Variants in GDF1 observed in about 807,000 individuals in gnomAD.
GDF1 encodes embryonic growth/differentiation factor 1.
A neutral mutation model predicts 7.4 loss-of-function variants in GDF1; 8 were observed. The ratio of observed to expected loss-of-function variants is 1.09; its 90% CI spans 0.64 to 1.96. The LOEUF is 1.96. GDF1 is among the 30% of genes most tolerant of loss of function. GDF1 has a pLI of 0.00. For missense variants in GDF1, 574 were observed against 551.5 expected, an observed-to-expected ratio of 1.04 and a Z score of -0.41; for synonymous variants, 311 against 276.7, an observed-to-expected ratio of 1.12 and a Z score of -1.23.
At chr19:18,883,994 C>T (rs2056282191) in intron 3 of GDF1, 93 bp downstream of exon 3, 1 of 1,368,798 alleles carries the variant, frequency 7.3e-7, no homozygotes, top group Admixed American at 2.2e-5. Context: ...ATGTGATCCC[C>T]TCCACGGCCT....
At position 18,868,821 on chromosome 19, in the gene GDF1, G is replaced by C; in HGVS notation, c.895C>G (p.Gln299Glu). 1.4e-6 allele frequency: 2 copies of C among 1,457,648 alleles called. No homozygotes were observed. The highest frequency in any genetic ancestry group is 1.8e-6 in the Non-Finnish European group (2 of 1,095,186). The allele number at this position is 1,457,648 out of a possible 1,614,324, so 90.3% of individuals were successfully genotyped here. A position where few individuals can be genotyped will look rare whatever the true frequency, so the allele number is the denominator to read the frequency against. The change falls in exon 8 of 8, where the codon CAG becomes GAG. Residue 299 changes from glutamine (Q) to glutamate (E), a missense_variant. By Grantham distance (29) the Gln-to-Glu change is conservative (BLOSUM62 2). Coordinates refer to ENST00000247005, the MANE Select transcript of GDF1 (RefSeq NM_001492.6). ...RGFLANYCQG[Q>E]CALPVALSGS... ...GACAGCGCGACGGGCAGCGCGCACT[G>C]ACCCTGGCAGTAGTTGGCCAGGAAG...
At chr19:18,872,948 C>G (rs1236724510) in intron 6 of GDF1, among the ~76,000 whole-genome samples, 1 of 152,226 alleles carries the variant, frequency 6.6e-6, no homozygotes, top group Admixed American at 6.5e-5. Context: ...CCATGCCGGG[C>G]CGAGATGGCC....
At chr19:18,875,642 T>G (rs76597639) in intron 6 of GDF1, among the ~76,000 whole-genome samples, 152 of 152,332 alleles carry the variant, frequency 1.0e-3, no homozygotes, top group Admixed American at 1.8e-3. Context: ...ATTAAACTTT[T>G]GCTCCAACCT....
At position 18,878,700 on chromosome 19, in the gene GDF1, C is replaced by T; in HGVS notation, c.-313+230G>A. 3 of 1,368,776 alleles carry T rather than the reference C, an allele frequency of 2.2e-6. No individual in the cohort carries two copies. Among genetic ancestry groups the T allele is most frequent in the Non-Finnish European group, 2.8e-6 (3 of 1,057,464 alleles). The allele number at this position is 1,368,776 out of a possible 1,614,324, so 84.8% of individuals were successfully genotyped here. A position where few individuals can be genotyped will look rare whatever the true frequency, so the allele number is the denominator to read the frequency against. On this transcript the variant is annotated intron_variant, in intron 6 of 7. Coordinates refer to ENST00000247005, the MANE Select transcript of GDF1 (RefSeq NM_001492.6). The surrounding 1 kb of genome is among the most constrained non-coding windows in gnomAD (Gnocchi z 4.6). ...CCTACCGCTGAGACCCTGCCTGTCG[C>T]CCTGCCTGCCCCTCCCCAGCCTCTC...
At position 18,869,201 on chromosome 19, in the gene GDF1, T is replaced by C. The variant is rs2145986231; in HGVS notation, c.515A>G (p.Gln172Arg). The C allele has an allele frequency of 3.2e-6, 4 of 1,253,880 alleles. No homozygotes were observed. Among genetic ancestry groups the C allele is most frequent in the Non-Finnish European group, 4.0e-6 (4 of 1,001,650 alleles). 77.7% of individuals were successfully genotyped at this position (1,253,880 alleles called of 1,614,324 possible). ...GWELSVAQAG[Q>R]GAGADPGPVL... ...CGGCCCGGGGTCCGCGCCCGCGCCC[T>C]GGCCCGCTTGCGCCACGCTCAGCTC... Residue 172 changes from glutamine (Q) to arginine (R), a missense_variant, in exon 8 of 8, where the codon CAG (glutamine) becomes CGG (arginine). Coordinates refer to ENST00000247005, the MANE Select transcript of GDF1 (RefSeq NM_001492.6).
intron 7 of GDF1, among the ~76,000 whole-genome samples, 197 bp from the exon 8 acceptor site, chr19:18,869,587 G>C (rs1413201891): frequency 6.7e-6 from 1 of 149,740 alleles, no homozygotes; most frequent in African/African-American, 2.5e-5. Flanking sequence ...GGGGTGCGGC[G>C]GGGGGGGTGG....
At chr19:18,886,324 C>A (rs1384540414) in intron 2 of GDF1, among the ~76,000 whole-genome samples, 1 of 151,992 alleles carries the variant, frequency 6.6e-6, no homozygotes, top group Admixed American at 6.6e-5. Context: ...CCGAGGCGGG[C>A]GGATCACAAG....
At chr19:18,893,604 A>C (rs1284450013) in intron 1 of GDF1, 29 bp from the exon 2 acceptor site, 1 of 1,588,910 alleles carries the variant, frequency 6.3e-7, no homozygotes, top group Non-Finnish European at 8.5e-7. Context: ...GCGGGCAGCC[A>C]TTGGTGCTGG....
rs1276077638 is a variant in GDF1, at chr19:18,870,637, C to T, written c.-312-18G>A. 2 of 552,142 alleles carry T rather than the reference C, an allele frequency of 3.6e-6. No individual in the cohort carries two copies. The highest frequency in any genetic ancestry group is 6.6e-6 in the Non-Finnish European group (2 of 305,196). 34.2% of individuals were successfully genotyped at this position (552,142 alleles called of 1,614,324 possible). A position where few individuals can be genotyped will look rare whatever the true frequency, so the allele number is the denominator to read the frequency against. On this transcript the variant is annotated intron_variant, in intron 6 of 7. Coordinates refer to ENST00000247005, the MANE Select transcript of GDF1 (RefSeq NM_001492.6). This position sits in a 1 kb window ranked among gnomAD's most constrained non-coding sequence, Gnocchi z 5.1. ...GTGGCTTCCTGGGGGTCAGAACCGG[C>T]GCAGGTTAGCCTGGGAGCCCCACGC...
chr19:18,895,915 G>T lies in GDF1; in HGVS notation c.-1165C>A. 1 of 1,242,268 alleles carries T rather than the reference G, an allele frequency of 8.0e-7. No homozygotes were observed. The highest frequency in any genetic ancestry group is 1.0e-6 in the Non-Finnish European group (1 of 991,068). 77.0% of individuals were successfully genotyped at this position (1,242,268 alleles called of 1,614,324 possible). A position where few individuals can be genotyped will look rare whatever the true frequency, so the allele number is the denominator to read the frequency against. ...CAGCAGCTCGGGCGGCGCCAGGTGC[G>T]CGTGCTCAGCCAGGCCGCGACGCGC... On this transcript the variant is annotated 5_prime_UTR_variant, in exon 1 of 8. Transcript: ENST00000247005. This position sits in a 1 kb window ranked among gnomAD's most constrained non-coding sequence, Gnocchi z 6.4.
chr19:18,886,506 G>A (rs1236083970), intron 2 of GDF1, among the ~76,000 whole-genome samples: 1 of 152,092 alleles, frequency 6.6e-6, no homozygotes, highest in Admixed American at 6.5e-5. Context: ...CAGGAACTAA[G>A]ATGTTGCCAC....
chr19:18,895,974 C>G lies in GDF1; in HGVS notation c.-1224G>C. 9.5e-7 allele frequency: 1 copy of G among 1,054,776 alleles called. No individual in the cohort carries two copies. The highest frequency in any genetic ancestry group is 3.4e-5 in the South Asian group (1 of 29,176). The allele number at this position is 1,054,776 out of a possible 1,614,324, so 65.3% of individuals were successfully genotyped here. On this transcript the variant is annotated 5_prime_UTR_variant, in exon 1 of 8. Coordinates refer to ENST00000247005, the MANE Select transcript of GDF1 (RefSeq NM_001492.6). This position sits in a 1 kb window ranked among gnomAD's most constrained non-coding sequence, Gnocchi z 6.4. ...AGCCGCAGTCCGTGCAGCCCCGCGCCGCCGCCAGCGCGCTGCCCCAGCCGC... is the reference window on the plus strand; with the variant it reads ...AGCCGCAGTCCGTGCAGCCCCGCGCGGCCGCCAGCGCGCTGCCCCAGCCGC...
chr19:18,879,133 G>A (rs1174281183), intron 5 of GDF1, 94 bp from the exon 6 acceptor site: 28 of 1,586,642 alleles, frequency 1.8e-5, no homozygotes, highest in Admixed American at 5.3e-5. Context: ...CCCTCCACAC[G>A]GGCTGTCTGC....
chr19:18,884,143 G>T lies in GDF1; in HGVS notation c.-789C>A. On this transcript the variant is annotated 5_prime_UTR_variant, in exon 3 of 8. The change creates a premature stop within an existing upstream ORF in the 5' untranslated region. Transcript: ENST00000247005. ...GAGTGACCACGTGGTGGAGCAGCAT[G>T]ACCACCGAGTCCTTGCGCCAGGTGT... The T allele has an allele frequency of 6.2e-7, 1 of 1,613,762 alleles. No individual in the cohort carries two copies. The highest frequency in any genetic ancestry group is 1.1e-5 in the South Asian group (1 of 91,006).
At position 18,870,273 on chromosome 19, in the gene GDF1, T is replaced by A; in HGVS notation, c.35A>T (p.His12Leu). 2 of 1,548,432 alleles carry A rather than the reference T, an allele frequency of 1.3e-6. No individual in the cohort carries two copies. The highest frequency in any genetic ancestry group is 1.7e-6 in the Non-Finnish European group (2 of 1,148,826). The change falls in exon 7 of 8, where the codon CAC (histidine) becomes CTC (leucine). Residue 12 changes from histidine (H) to leucine (L), a missense_variant. His to Leu is a moderately conservative substitution (Grantham distance 99). Coordinates refer to ENST00000247005, the MANE Select transcript of GDF1 (RefSeq NM_001492.6). The surrounding 1 kb of genome is among the most constrained non-coding windows in gnomAD (Gnocchi z 5.1). Reference protein sequence around the residue: ...PPPQQGPCGHHLLLLLALLLP... With the variant: ...PPPQQGPCGHLLLLLLALLLP... ...CAGCAGGGCCAGGAGGAGGAGGAGG[T>A]GGTGGCCGCAGGGACCTTGCTGCGG...
At chr19:18,887,546 A>G (rs1187445471) in intron 2 of GDF1, among the ~76,000 whole-genome samples, 2 of 152,130 alleles carry the variant, frequency 1.3e-5, no homozygotes, top group African/African-American at 4.8e-5. Context: ...GGAGTTGGAG[A>G]CCAGCCTGGC....
rs569406577 is a variant in GDF1 at position 18,877,703 on chromosome 19, C to T, written c.-313+1227G>A. Among the ~76,000 whole-genome samples, 7 of 142,636 alleles carry T rather than the reference C, an allele frequency of 4.9e-5. No individual in the cohort carries two copies. The East Asian group carries it at 8.2e-4, about 17-fold the overall frequency. The allele number at this position is 142,636 out of a possible 152,430, so 93.6% of individuals were successfully genotyped here. Reference sequence around the variant, plus strand: ...CTGGGAGGCGGCGGTTGCAGCGAGCCGAGATCGTGCCACTGCACACTCCAG... The same window carrying T: ...CTGGGAGGCGGCGGTTGCAGCGAGCTGAGATCGTGCCACTGCACACTCCAG... On this transcript the variant is annotated intron_variant, in intron 6 of 7. Coordinates refer to ENST00000247005, the MANE Select transcript of GDF1 (RefSeq NM_001492.6).
At chr19:18,893,610 G>A in intron 1 of GDF1, 35 bp from the exon 2 acceptor site, 3 of 1,582,188 alleles carry the variant, frequency 1.9e-6, no homozygotes, top group Non-Finnish European at 2.6e-6. Context: ...AGCCATTGGT[G>A]CTGGGGGCCA....
chr19:18,885,521 T>TTG (rs1568302730), intron 2 of GDF1, among the ~76,000 whole-genome samples: 5 of 134,738 alleles, frequency 3.7e-5, no homozygotes, highest in Admixed American at 7.6e-5. Flanking sequence ...GTTTTTTTTT[T>TTG]TTTTTTTTTT....
Sources: allele counts gnomAD v4.1 joint callset (sites outside exome capture counted in the v4.1 genomes callset), GRCh38; gene constraint gnomAD v4.1.1; non-coding constraint Gnocchi (gnomAD v3.1); transcripts MANE v1.5; gene names NCBI Gene and HGNC (gene_info 2026-07-23, HGNC 2026-07-21).